Variants in B4GALT4 observed in about 807,000 individuals in gnomAD.
B4GALT4 encodes beta-1,4-galactosyltransferase 4.
A neutral mutation model predicts 37.3 loss-of-function variants in B4GALT4; 27 were observed. The observed-to-expected ratio is 0.72, with a 90% CI of 0.53 to 1.00. The LOEUF is 1.00. Ranked by LOEUF, B4GALT4 falls within the 50% of genes least tolerant of loss-of-function variation. The probability of loss-of-function intolerance (pLI) is 0.00; values close to 1 mark genes in which losing one functional copy is unlikely to be tolerated. For missense variants in B4GALT4, 372 were observed against 413.1 expected (o/e 0.90, Z 0.86); for synonymous variants, 148 against 154.1 (o/e 0.96, Z 0.29).
At chr3:119,235,121 G>C (rs925052029) in intron 2 of B4GALT4, 1 of 152,218 alleles carries the variant, frequency 6.6e-6, no homozygotes, top group East Asian at 1.9e-4. Flanking sequence ...ATACTGAGAA[G>C]TCTTGAATAT....
Position 119,224,181 on chromosome 3 carries a change from T to C in B4GALT4, c.551A>G (p.Glu184Gly). ...LNVGYLEALKEENWDCFIFHD... is the reference protein window; with the variant it reads ...LNVGYLEALKGENWDCFIFHD... ...GAATATAAAGCAGTCCCAATTTTCT[T>C]CCTTGAGGGCTTCTAGATAGCCCAC... Residue 184 changes from glutamate to glycine, a missense_variant, in exon 5 of 8, where the codon GAA (glutamate) becomes GGA (glycine). By Grantham distance (98) the Glu-to-Gly change is moderately conservative (BLOSUM62 -2). Transcript: ENST00000393765. 1 of 1,613,980 alleles carries C rather than the reference T, an allele frequency of 6.2e-7. No homozygotes were observed. Among genetic ancestry groups the C allele is most frequent in the Non-Finnish European group, 8.5e-7 (1 of 1,179,976 alleles).
rs774168959 is a variant in B4GALT4, at chr3:119,229,991, C to T, written c.109G>A (p.Ala37Thr). Residue 37 changes from alanine to threonine, a missense_variant, in exon 3 of 8, where the codon GCC becomes ACC. By Grantham distance (58) the Ala-to-Thr change is moderately conservative (BLOSUM62 0). Transcript: ENST00000393765. ...TTTGCTTTAGGAATCTCTTGAATGG[C>T]ACCCACGAAGTAGTTACTGGTGGCC... is the stretch of plus-strand genomic sequence containing the variant. Reference protein sequence around the residue: ...GWATSNYFVGAIQEIPKAKEF... With the variant: ...GWATSNYFVGTIQEIPKAKEF... The T allele has an allele frequency of 3.1e-6, 5 of 1,614,154 alleles. No homozygotes were observed. The Admixed American group carries it at 5.0e-5, about 16-fold the overall frequency.
chr3:119,229,905 A>T lies in B4GALT4; in HGVS notation c.195T>A (p.Asn65Lys). The T allele has an allele frequency of 2.5e-6, 4 of 1,614,190 alleles. No homozygotes were observed. The highest frequency in any genetic ancestry group is 2.5e-6 in the Non-Finnish European group (3 of 1,180,026). Residue 65 changes from asparagine (N) to lysine (K), a missense_variant, in exon 3 of 8, where the codon AAT (asparagine) becomes AAA (lysine). By Grantham distance (94) the Asn-to-Lys change is moderately conservative (BLOSUM62 0). Transcript: ENST00000393765. ...LILGKGKTLT[N>K]EASTKKVELD... Reference sequence around the variant, plus strand: ...GTTCTACCTTCTTCGTGGATGCTTCATTAGTCAGAGTTTTTCCCTTCCCCA... The same window carrying T: ...GTTCTACCTTCTTCGTGGATGCTTCTTTAGTCAGAGTTTTTCCCTTCCCCA...
Position 119,212,572 on chromosome 3 carries a change from C to A in B4GALT4, c.1012G>T (p.Val338Leu). 1.2e-6 allele frequency: 2 copies of A among 1,605,162 alleles called. No homozygotes were observed. Among genetic ancestry groups the A allele is most frequent in the Non-Finnish European group, 8.5e-7 (1 of 1,177,318 alleles). ...GGTCATGCACCAAACCAGAAATCCA[C>A]TGTGATGTTGATATATAAAGGATTG... ...EHNPLYINIT[V>L]DFWFGA is the part of the protein sequence containing the mutation. Residue 338 changes from valine (V) to leucine (L), a missense_variant, in exon 8 of 8, where the codon GTG becomes TTG. Transcript: ENST00000393765.
intron 5 of B4GALT4, among the ~76,000 whole-genome samples, chr3:119,219,858 C>T (rs1208948800): frequency 6.6e-6 from 1 of 152,174 alleles, no homozygotes; most frequent in African/African-American, 2.4e-5. Context: ...AGCTTAAAAA[C>T]TTGGATGTTA....
At chr3:119,225,437 C>T (rs1475274186) in intron 4 of B4GALT4, among the ~76,000 whole-genome samples, 1 of 152,042 alleles carries the variant, frequency 6.6e-6, no homozygotes, top group Non-Finnish European at 1.5e-5. Flanking sequence ...CGCTCTGTTG[C>T]CCAGGCTGGA....
intron 7 of B4GALT4, chr3:119,213,075 T>C (rs2107451019): frequency 6.4e-6 from 1 of 155,548 alleles, no homozygotes; most frequent in South Asian, 2.1e-4. Flanking sequence ...GGTACATAGC[T>C]TTCACGAGCC....
intron 5 of B4GALT4, among the ~76,000 whole-genome samples, chr3:119,222,322 A>G (rs1453005671): frequency 6.6e-6 from 1 of 152,208 alleles, no homozygotes; most frequent in Non-Finnish European, 1.5e-5. Context: ...GAAGTGACTC[A>G]AAGAAACCAG....
At chr3:119,223,650 G>A (rs1390998367) in intron 5 of B4GALT4, among the ~76,000 whole-genome samples, 1 of 152,042 alleles carries the variant, frequency 6.6e-6, no homozygotes, top group Non-Finnish European at 1.5e-5. Context: ...GCCACAGTCT[G>A]GAAAGTGATG....
At chr3:119,221,838 T>A (rs1261236495) in intron 5 of B4GALT4, among the ~76,000 whole-genome samples, 2 of 152,182 alleles carry the variant, frequency 1.3e-5, no homozygotes, top group Non-Finnish European at 2.9e-5. Context: ...AACCTGTCAG[T>A]TACTCAACAA....
intron 4 of B4GALT4, among the ~76,000 whole-genome samples, chr3:119,224,994 A>G (rs2078564202): frequency 1.3e-5 from 2 of 152,232 alleles, no homozygotes; most frequent in African/African-American, 4.8e-5. Context: ...AATTTACACT[A>G]AGCTTCTAAG....
chr3:119,231,187 A>C lies in B4GALT4; in HGVS notation c.-145-943T>G, dbSNP rs559290017. On this transcript the variant is annotated intron_variant, in intron 2 of 7. Coordinates refer to ENST00000393765, the MANE Select transcript of B4GALT4 (RefSeq NM_003778.4). Reference sequence around the variant, plus strand: ...TACTTCAGTAGCATGAGATGGGATAATATGAATTCACTTCTAAGAGGGGGC... The same window carrying C: ...TACTTCAGTAGCATGAGATGGGATACTATGAATTCACTTCTAAGAGGGGGC... 2.6e-5 allele frequency among the ~76,000 whole-genome samples: 4 copies of C among 152,346 alleles called. No homozygotes were observed. In the East Asian group the frequency reaches 7.7e-4, roughly 29 times the overall value.
chr3:119,224,341 T>TGAA, intron 4 of B4GALT4, 96 bp from the exon 5 acceptor site: 1 of 895,814 alleles, frequency 1.1e-6, no homozygotes, highest in Non-Finnish European at 1.6e-6. Flanking sequence ...ATTATTCTAA[T>TGAA]TATTCTACGC....
At chr3:119,227,346 G>C (rs1348871908) in intron 3 of B4GALT4, among the ~76,000 whole-genome samples, 1 of 152,190 alleles carries the variant, frequency 6.6e-6, no homozygotes, top group Non-Finnish European at 1.5e-5. Context: ...ACTCTGGTAA[G>C]AGCAAAGGGC....
intron 3 of B4GALT4, 106 bp from the exon 4 acceptor site, chr3:119,227,147 G>T: frequency 2.2e-6 from 2 of 911,908 alleles, no homozygotes; most frequent in Non-Finnish European, 3.4e-6. Context: ...CTCACAGTGA[G>T]TACTACAAAT....
At chr3:119,231,845 A>T (rs545065721) in intron 2 of B4GALT4, among the ~76,000 whole-genome samples, 2 of 147,114 alleles carry the variant, frequency 1.4e-5, no homozygotes, top group African/African-American at 4.9e-5. Context: ...TATTTTTAGA[A>T]TTTTTAATAT....
chr3:119,240,752 C>T (rs2079136477), intron 1 of B4GALT4, 98 bp downstream of exon 1: 1 of 152,336 alleles, frequency 6.6e-6, no homozygotes, highest in Non-Finnish European at 1.5e-5. Flanking sequence ...CCCGCTACAG[C>T]CCTGGGACTG....
intron 6 of B4GALT4, 121 bp downstream of exon 6, chr3:119,218,529 G>A (rs1339568404): frequency 7.0e-7 from 1 of 1,418,774 alleles, no homozygotes; most frequent in Admixed American, 2.0e-5. Flanking sequence ...CACCCTTCAA[G>A]CCCAAATCTG....
At chr3:119,223,156 T>C (rs1303260552) in intron 5 of B4GALT4, among the ~76,000 whole-genome samples, 3 of 152,252 alleles carry the variant, frequency 2.0e-5, no homozygotes, top group African/African-American at 4.8e-5. Context: ...CAAGTGCTTA[T>C]AGTTGTATTT....
Sources: allele counts gnomAD v4.1 joint callset (sites outside exome capture counted in the v4.1 genomes callset), GRCh38; gene constraint gnomAD v4.1.1; transcripts MANE v1.5; gene names NCBI Gene and HGNC (gene_info 2026-07-23, HGNC 2026-07-21).